Variants in SPIN1 observed in about 807,000 individuals in gnomAD.
SPIN1 encodes the protein spindlin 1, also known as spindlin-1.
In SPIN1, 3 loss-of-function variants were observed where a neutral mutation model predicts 26.0. The ratio of observed to expected loss-of-function variants is 0.12; its 90% CI spans 0.05 to 0.30. The LOEUF is 0.30. Among genes scored for constraint, SPIN1 ranks in the 10% least tolerant of loss-of-function variants. The pLI is 1.00. For missense variants in SPIN1, 126 were observed against 333.4 expected (o/e 0.38, Z 4.84); for synonymous variants, 101 against 116.5 (o/e 0.87, Z 0.86).
At chr9:88,405,536 C>T (rs1488104259) in intron 1 of SPIN1, among the ~76,000 whole-genome samples, 2 of 110,740 alleles carry the variant, frequency 1.8e-5, no homozygotes, top group South Asian at 3.0e-4. Flanking sequence ...CTGTACTATC[C>T]TTTTTTTTTT....
chr9:88,432,877 C>G (rs1161884312), intron 2 of SPIN1, among the ~76,000 whole-genome samples: 1 of 151,950 alleles, frequency 6.6e-6, no homozygotes, highest in Non-Finnish European at 1.5e-5. Flanking sequence ...CAGTCAGCAA[C>G]TTAATTTCTA....
intron 1 of SPIN1, among the ~76,000 whole-genome samples, chr9:88,389,995 G>A (rs748928907): frequency 6.6e-6 from 1 of 152,084 alleles, no homozygotes; most frequent in Non-Finnish European, 1.5e-5. Flanking sequence ...CAGAACGTTC[G>A]TTATCAGATT....
At chr9:88,393,664 C>T (rs1490107065) in intron 1 of SPIN1, among the ~76,000 whole-genome samples, 1 of 151,704 alleles carries the variant, frequency 6.6e-6, no homozygotes, top group Non-Finnish European at 1.5e-5. Flanking sequence ...ATCATGTTGG[C>T]CAGGATGGTC....
intron 1 of SPIN1, among the ~76,000 whole-genome samples, chr9:88,406,017 G>A (rs952995766): frequency 6.7e-6 from 1 of 149,816 alleles, no homozygotes; most frequent in African/African-American, 2.5e-5. Context: ...GTGTGTGTGT[G>A]TGTGTGTGTG....
intron 1 of SPIN1, among the ~76,000 whole-genome samples, chr9:88,400,250 T>C (rs1827158510): frequency 6.6e-6 from 1 of 152,198 alleles, no homozygotes; most frequent in African/African-American, 2.4e-5. Flanking sequence ...TGCTGCACTC[T>C]AAAAGATTGT....
At chr9:88,400,079 C>T (rs750108737) in intron 1 of SPIN1, among the ~76,000 whole-genome samples, 2 of 152,154 alleles carry the variant, frequency 1.3e-5, no homozygotes, top group African/African-American at 2.4e-5. Flanking sequence ...ACTTAATCTC[C>T]GTTTGCCTGA....
intron 2 of SPIN1, among the ~76,000 whole-genome samples, chr9:88,442,911 G>A (rs1828165918): frequency 6.6e-6 from 1 of 151,408 alleles, no homozygotes; most frequent in African/African-American, 2.4e-5. Flanking sequence ...CACGAGGTCA[G>A]GAGTTCAAGA....
At chr9:88,469,240 C>T (rs1338989254) in intron 5 of SPIN1, among the ~76,000 whole-genome samples, 1 of 152,208 alleles carries the variant, frequency 6.6e-6, no homozygotes, top group Non-Finnish European at 1.5e-5. Context: ...GATGCCTCTG[C>T]TGATCTGACA....
At chr9:88,401,884 A>T (rs1284586897) in intron 1 of SPIN1, among the ~76,000 whole-genome samples, 1 of 152,232 alleles carries the variant, frequency 6.6e-6, no homozygotes, top group Non-Finnish European at 1.5e-5. Context: ...TCCTTTTATT[A>T]ATACATAATA....
chr9:88,452,797 C>T (rs1828389017), intron 3 of SPIN1, among the ~76,000 whole-genome samples: 1 of 152,118 alleles, frequency 6.6e-6, no homozygotes, highest in Admixed American at 6.5e-5. Context: ...TTCTGGTTTG[C>T]ATCTTGCAAA....
chr9:88,422,246 A>G (rs1213730138), intron 1 of SPIN1, among the ~76,000 whole-genome samples: 1 of 152,196 alleles, frequency 6.6e-6, no homozygotes, highest in Non-Finnish European at 1.5e-5. Flanking sequence ...TCCATTTGAC[A>G]ATATTTTCCG....
intron 2 of SPIN1, among the ~76,000 whole-genome samples, chr9:88,444,300 G>T (rs1051709384): frequency 6.7e-6 from 1 of 148,224 alleles, no homozygotes; most frequent in African/African-American, 2.5e-5. Flanking sequence ...GAGTGCAGTG[G>T]CGGGATCGCG....
intron 4 of SPIN1, among the ~76,000 whole-genome samples, chr9:88,463,560 T>A (rs1828610489): frequency 6.6e-6 from 1 of 152,206 alleles, no homozygotes; most frequent in Non-Finnish European, 1.5e-5. Context: ...AAGAAATTAG[T>A]TCAGTCTCCT....
chr9:88,470,126 C>T (rs1828749143), intron 5 of SPIN1, among the ~76,000 whole-genome samples: 1 of 152,192 alleles, frequency 6.6e-6, no homozygotes, highest in South Asian at 2.1e-4. Context: ...TTCATTCACG[C>T]TGTAGCATAT....
In SPIN1 at chr9:88,426,505, T is replaced by A; in HGVS notation, c.-35T>A. On this transcript the variant is annotated 5_prime_UTR_variant, in exon 2 of 6. Coordinates refer to ENST00000375859, the MANE Select transcript of SPIN1 (RefSeq NM_006717.3). The stretch of plus-strand genomic sequence containing the variant: ...GGAGAATATTGAATTTTCACCCTAG[T>A]CCAGCAGCTCCGCTGCTCACTTAAA... 6.4e-7 allele frequency: 1 copy of A among 1,571,032 alleles called. No individual in the cohort carries two copies. The highest frequency in any genetic ancestry group is 1.1e-5 in the South Asian group (1 of 88,308).
chr9:88,467,511 G>C (rs1240753037), intron 4 of SPIN1, among the ~76,000 whole-genome samples: 2 of 152,204 alleles, frequency 1.3e-5, no homozygotes, highest in Admixed American at 6.5e-5. Context: ...TGAAGGTATG[G>C]GGAAGAGCTT....
chr9:88,415,332 G>A (rs1827538274), intron 1 of SPIN1, among the ~76,000 whole-genome samples: 1 of 152,146 alleles, frequency 6.6e-6, no homozygotes, highest in South Asian at 2.1e-4. Context: ...TGCTTTATAA[G>A]GATTGAGCCC....
chr9:88,473,432 G>T (rs1278263578), intron 5 of SPIN1, among the ~76,000 whole-genome samples: 1 of 151,974 alleles, frequency 6.6e-6, no homozygotes, highest in Non-Finnish European at 1.5e-5. Context: ...GTTATAAAGG[G>T]GTAATGCAAC....
At chr9:88,424,045 G>A (rs1319915037) in intron 1 of SPIN1, among the ~76,000 whole-genome samples, 1 of 152,202 alleles carries the variant, frequency 6.6e-6, no homozygotes, top group African/African-American at 2.4e-5. Flanking sequence ...TGGGTTTACA[G>A]GTGTGAACCA....
Sources: gnomAD v4.1 joint callset for allele counts (sites outside exome capture counted in the v4.1 genomes callset) on GRCh38, gnomAD v4.1.1 for gene constraint, MANE v1.5 for transcripts, NCBI Gene and HGNC (gene_info 2026-07-23, HGNC 2026-07-21) for gene names.